The following ATXN1 variants were observed in gnomAD, a reference collection of about 807,000 sequenced individuals.
The protein encoded by ATXN1 is ataxin-1.
In ATXN1, 8 loss-of-function variants were observed where a neutral mutation model predicts 56.4. The ratio of observed to expected loss-of-function variants is 0.14; its 90% CI spans 0.08 to 0.26. The LOEUF (loss-of-function observed/expected upper bound fraction) is 0.26, where lower values mean the gene tolerates loss of function less well. Ranked by LOEUF, ATXN1 falls within the 10% of genes least tolerant of loss-of-function variation. The probability of loss-of-function intolerance (pLI) is 1.00; values close to 1 mark genes in which losing one functional copy is unlikely to be tolerated. For missense variants in ATXN1, 987 were observed against 1,106.5 expected (o/e 0.89, Z 1.53); for synonymous variants, 514 against 494.6 (o/e 1.04, Z -0.52).
chr6:16,481,642 C>T (rs1382665581), intron 6 of ATXN1, among the ~76,000 whole-genome samples: 1 of 152,082 alleles, frequency 6.6e-6, no homozygotes, highest in African/African-American at 2.4e-5. Flanking sequence ...ACAATGCCTC[C>T]CTAAGAAAGC....
At chr6:16,704,399 G>A (rs964008583) in intron 2 of ATXN1, among the ~76,000 whole-genome samples, 2 of 152,118 alleles carry the variant, frequency 1.3e-5, no homozygotes, top group African/African-American at 4.8e-5. Flanking sequence ...AACAGCTCCT[G>A]CGAGGCGCTC....
At chr6:16,331,534 A>G (rs1051213488) in intron 6 of ATXN1, among the ~76,000 whole-genome samples, 7 of 152,166 alleles carry the variant, frequency 4.6e-5, no homozygotes, top group Admixed American at 6.5e-5. Context: ...CACTGATCCA[A>G]TAAAACCCCA....
At chr6:16,401,975 T>C (rs1260081488) in intron 6 of ATXN1, among the ~76,000 whole-genome samples, 1 of 152,114 alleles carries the variant, frequency 6.6e-6, no homozygotes, top group Non-Finnish European at 1.5e-5. Flanking sequence ...GCAAGTCACA[T>C]CTTACATGGA....
intron 5 of ATXN1, among the ~76,000 whole-genome samples, chr6:16,491,240 A>G (rs189274): frequency 0.91 from 132,538 of 146,090 alleles, 60,174 homozygotes; most frequent in East Asian, 1. Flanking sequence ...TTATAGGCAT[A>G]TGCCACCACA....
intron 3 of ATXN1, among the ~76,000 whole-genome samples, chr6:16,598,971 A>C (rs542495368): frequency 5.0e-4 from 76 of 152,358 alleles, no homozygotes; most frequent in Middle Eastern, 3.4e-3. Flanking sequence ...GGGCACCTGC[A>C]AGGTAGTAGG....
In ATXN1 at chr6:16,719,341, T is replaced by A. The variant is rs16878898; in HGVS notation, c.-615+33892A>T. 6.5e-3 allele frequency among the ~76,000 whole-genome samples: 994 copies of A among 152,326 alleles called. 8 individuals are homozygous for A. Among genetic ancestry groups the A allele is most frequent in the African/African-American group, 0.023 (953 of 41,564 alleles). ...TATTTCATTTGTGCAAATTGATAGA[T>A]CACCTTTTGAATTCATGCTAAACAG... On this transcript the variant is annotated intron_variant, in intron 2 of 7. Transcript: ENST00000436367.
At chr6:16,649,583 T>C (rs995297596) in intron 3 of ATXN1, among the ~76,000 whole-genome samples, 1 of 152,254 alleles carries the variant, frequency 6.6e-6, no homozygotes, top group African/African-American at 2.4e-5. Context: ...ATGCCAAAGA[T>C]ATACGCCAGT....
In ATXN1 at chr6:16,301,133, C is replaced by A. The variant is rs1459044404; in HGVS notation, c.*5196G>T. On this transcript the variant is annotated 3_prime_UTR_variant, in exon 8 of 8. Transcript: ENST00000436367. ...TATGAAACTCATTGTTTCAACAGAGCCATATCTTTCAAACACTGAATGAAT... is the reference window on the plus strand; with the variant it reads ...TATGAAACTCATTGTTTCAACAGAGACATATCTTTCAAACACTGAATGAAT... 2.0e-5 allele frequency: 3 copies of A among 151,454 alleles called. No individual in the cohort carries two copies. Among genetic ancestry groups the A allele is most frequent in the Non-Finnish European group, 4.4e-5 (3 of 67,914 alleles). The allele number at this position is 151,454 out of a possible 1,614,324, so 9.4% of individuals were successfully genotyped here. A position where few individuals can be genotyped will look rare whatever the true frequency, so the allele number is the denominator to read the frequency against.
In ATXN1 at chr6:16,740,666, C is replaced by T. The variant is rs528599321; in HGVS notation, c.-615+12567G>A. On this transcript the variant is annotated intron_variant, in intron 2 of 7. Coordinates refer to ENST00000436367, the MANE Select transcript of ATXN1 (RefSeq NM_001128164.2). ...TATCCATCAAGTTTAGGCTCCGGCA[C>T]TATAAAAACATCTAACATATAATTT... Among the ~76,000 whole-genome samples, 243 of 152,256 alleles carry T rather than the reference C, an allele frequency of 1.6e-3. 3 individuals carry two copies. The highest frequency in any genetic ancestry group is 5.4e-3 in the African/African-American group (225 of 41,562).
intron 3 of ATXN1, among the ~76,000 whole-genome samples, chr6:16,607,761 G>A (rs189532691): frequency 2.0e-5 from 3 of 152,246 alleles, no homozygotes; most frequent in Admixed American, 6.5e-5. Context: ...CATTTTTTAT[G>A]CCCAAAATCT....
chr6:16,761,223 T>G lies in ATXN1; in HGVS notation c.-730+75A>C, dbSNP rs537600085. 100 of 396,184 alleles carry G rather than the reference T, an allele frequency of 2.5e-4. 1 individual carries two copies. The East Asian group carries it at 5.7e-3, about 23-fold the overall frequency. The allele number at this position is 396,184 out of a possible 1,614,324, so 24.5% of individuals were successfully genotyped here. A position where few individuals can be genotyped will look rare whatever the true frequency, so the allele number is the denominator to read the frequency against. On this transcript the variant is annotated intron_variant, in intron 1 of 7. Coordinates refer to ENST00000436367, the MANE Select transcript of ATXN1 (RefSeq NM_001128164.2). ...TCGGGAGATCGGGGGAGGAGGGATTTTAATCTAAATAAGGGGAGAAGGGAA... is the reference window on the plus strand; with the variant it reads ...TCGGGAGATCGGGGGAGGAGGGATTGTAATCTAAATAAGGGGAGAAGGGAA...
At chr6:16,433,565 A>G (rs910737513) in intron 6 of ATXN1, among the ~76,000 whole-genome samples, 2 of 152,204 alleles carry the variant, frequency 1.3e-5, no homozygotes, top group Admixed American at 1.3e-4. Context: ...AAGTTGTGAT[A>G]AAGCATCATT....
chr6:16,334,500 G>A (rs1440564294), intron 6 of ATXN1, among the ~76,000 whole-genome samples: 3 of 152,056 alleles, frequency 2.0e-5, no homozygotes, highest in Non-Finnish European at 4.4e-5. Flanking sequence ...AGCACTTTGG[G>A]AGCCCAGGAG....
At chr6:16,595,080 C>A (rs2113774742) in intron 3 of ATXN1, among the ~76,000 whole-genome samples, 1 of 152,232 alleles carries the variant, frequency 6.6e-6, no homozygotes, top group East Asian at 1.9e-4. Flanking sequence ...CCAAAACCAC[C>A]CACTTAGAAC....
intron 6 of ATXN1, among the ~76,000 whole-genome samples, chr6:16,340,849 GT>G (rs1761229635): frequency 6.6e-6 from 1 of 152,240 alleles, no homozygotes; most frequent in African/African-American, 2.4e-5. Flanking sequence ...AGGCAGATGG[GT>G]GGTACAGAAA....
chr6:16,368,302 G>A (rs956512667), intron 6 of ATXN1, among the ~76,000 whole-genome samples: 2 of 148,198 alleles, frequency 1.3e-5, no homozygotes, highest in African/African-American at 4.9e-5. Flanking sequence ...TTTTATGTGA[G>A]AGAAAAATAA....
At chr6:16,690,181 G>A (rs2113416365) in intron 2 of ATXN1, among the ~76,000 whole-genome samples, 1 of 152,230 alleles carries the variant, frequency 6.6e-6, no homozygotes, top group East Asian at 1.9e-4. Flanking sequence ...GGCTGGGACT[G>A]CATGAGCACA....
At chr6:16,469,264 G>A (rs1307365313) in intron 6 of ATXN1, among the ~76,000 whole-genome samples, 3 of 152,160 alleles carry the variant, frequency 2.0e-5, no homozygotes, top group Non-Finnish European at 4.4e-5. Context: ...ATTCTATCAG[G>A]AGAAGCAAAA....
intron 4 of ATXN1, among the ~76,000 whole-genome samples, chr6:16,583,776 C>A (rs1445861355): frequency 6.6e-6 from 1 of 152,180 alleles, no homozygotes; most frequent in Non-Finnish European, 1.5e-5. Flanking sequence ...GAAGTCTCTC[C>A]AGGACTGGGA....
Sources: allele counts gnomAD v4.1 joint callset (sites outside exome capture counted in the v4.1 genomes callset), GRCh38; gene constraint gnomAD v4.1.1; transcripts MANE v1.5; gene names NCBI Gene and HGNC (gene_info 2026-07-23, HGNC 2026-07-21).